The following SHOC1 variants were observed in gnomAD, a reference collection of about 807,000 sequenced individuals.
SHOC1 encodes the protein shortage in chiasmata 1.
SHOC1 carries 136 observed loss-of-function variants against 179.2 expected under a neutral mutation model. The ratio of observed to expected loss-of-function variants is 0.76; its 90% confidence interval spans 0.66 to 0.87. The LOEUF (loss-of-function observed/expected upper bound fraction) is 0.87. SHOC1 is among the 40% of genes least tolerant of loss of function. SHOC1 has a pLI of 0.00. For missense variants in SHOC1, 1,538 were observed against 1,700.8 expected (o/e 0.90, Z 1.68); for synonymous variants, 489 against 586.6 (o/e 0.83, Z 2.41).
chr9:111,769,986 G>GTTT (rs769266659), intron 5 of SHOC1, among the ~76,000 whole-genome samples: 65 of 77,544 alleles, frequency 8.4e-4, no homozygotes, highest in African/African-American at 9.9e-4. Flanking sequence ...TTTTTTTTTT[G>GTTT]TTTTTTTTTT....
intron 8 of SHOC1, among the ~76,000 whole-genome samples, chr9:111,755,730 T>A (rs958623994): frequency 6.6e-6 from 1 of 152,188 alleles, no homozygotes; most frequent in Non-Finnish European, 1.5e-5. Context: ...AGAAAACAAC[T>A]CTTCAAAAAT....
At chr9:111,698,514 A>G (rs1230106231) in intron 24 of SHOC1, among the ~76,000 whole-genome samples, 1 of 152,044 alleles carries the variant, frequency 6.6e-6, no homozygotes, top group African/African-American at 2.4e-5. Context: ...GATGTGTGGT[A>G]TTATTTCTGA....
chr9:111,776,600 T>A (rs1835843376), intron 4 of SHOC1, among the ~76,000 whole-genome samples: 1 of 152,212 alleles, frequency 6.6e-6, no homozygotes, highest in Non-Finnish European at 1.5e-5. Context: ...GTTCTCTGGC[T>A]TCTAGATGGG....
intron 5 of SHOC1, among the ~76,000 whole-genome samples, chr9:111,768,479 A>G (rs962403571): frequency 6.6e-6 from 1 of 152,178 alleles, no homozygotes; most frequent in African/African-American, 2.4e-5. Flanking sequence ...TTGGCCTCCC[A>G]TAGTGCTGGG....
At chr9:111,779,371 C>T (rs961860933) in intron 4 of SHOC1, among the ~76,000 whole-genome samples, 1 of 152,136 alleles carries the variant, frequency 6.6e-6, no homozygotes, top group African/African-American at 2.4e-5. Flanking sequence ...CAAAGGCCTA[C>T]TTTGAGTAAC....
At chr9:111,779,981 G>C (rs1441270993) in intron 4 of SHOC1, among the ~76,000 whole-genome samples, 2 of 152,162 alleles carry the variant, frequency 1.3e-5, no homozygotes, top group African/African-American at 2.4e-5. Context: ...ATGCCTTTCT[G>C]CTTCCTCGCT....
chr9:111,757,858 T>C (rs1341029596), intron 7 of SHOC1, among the ~76,000 whole-genome samples: 3 of 152,228 alleles, frequency 2.0e-5, no homozygotes, highest in Non-Finnish European at 4.4e-5. Flanking sequence ...TATCAGAATA[T>C]ATCTCAGGCT....
intron 5 of SHOC1, among the ~76,000 whole-genome samples, chr9:111,763,166 A>G (rs12340359): frequency 0.055 from 8,413 of 152,008 alleles, 563 homozygotes; most frequent in African/African-American, 0.16. Flanking sequence ...TAAAATCTTT[A>G]TGAAGAAAAA....
At position 111,769,975 on chromosome 9, in the gene SHOC1, G is replaced by GTTTGTTTTTTTTTTTTTTTT. The variant is rs1564161086; in HGVS notation, c.442+5815_442+5816insAAAAAAAAAAAAAAAACAAA. Among the ~76,000 whole-genome samples the GTTTGTTTTTTTTTTTTTTTT allele has an allele frequency of 4.1e-4, 36 of 87,788 alleles. 2 individuals are homozygous for GTTTGTTTTTTTTTTTTTTTT. Among genetic ancestry groups the GTTTGTTTTTTTTTTTTTTTT allele is most frequent in the East Asian group, 8.1e-4 (3 of 3,708 alleles). 57.6% of individuals were successfully genotyped at this position (87,788 alleles called of 152,430 possible). ...AATCTAGCGAAAGGTTTTATCTTCTGTTTTTTTTTTGTTTTTTTTTTTTTT... is the reference window on the plus strand; with the variant it reads ...AATCTAGCGAAAGGTTTTATCTTCTGTTTGTTTTTTTTTTTTTTTTTTTTTTTTTTGTTTTTTTTTTTTTT... On this transcript the variant is annotated intron_variant, in intron 5 of 27. Transcript: ENST00000682961.
At chr9:111,724,738 G>A (rs1192173029) in intron 13 of SHOC1, among the ~76,000 whole-genome samples, 1 of 152,072 alleles carries the variant, frequency 6.6e-6, no homozygotes, top group East Asian at 1.9e-4. Flanking sequence ...TTCCAGGCCA[G>A]CAAAGGGCTC....
At chr9:111,781,756 G>A (rs1429461117) in intron 3 of SHOC1, among the ~76,000 whole-genome samples, 1 of 46,104 alleles carries the variant, frequency 2.2e-5, no homozygotes, top group South Asian at 7.5e-4. Context: ...AAATAAATTT[G>A]TATGTGTACA....
In SHOC1 at chr9:111,706,683, G is replaced by A; in HGVS notation, c.2622C>T (p.Phe874=). 6.2e-7 allele frequency: 1 copy of A among 1,609,464 alleles called. No homozygotes were observed. Among genetic ancestry groups the A allele is most frequent in the Non-Finnish European group, 8.5e-7 (1 of 1,177,212 alleles). Residue 874 remains phenylalanine, a synonymous_variant, in exon 20 of 28, where the codon TTC becomes TTT. Transcript: ENST00000682961. ...YIGADFPWSN[F]SFVVEYNYVE... The stretch of plus-strand genomic sequence containing the variant: ...CATAATTGTATTCCACCACAAATGA[G>A]AAATTACTCCAGGGGAAATCTGCTC...
chr9:111,722,529 T>G lies in SHOC1; in HGVS notation c.2011A>C (p.Asn671His). Residue 671 changes from asparagine (N) to histidine (H), a missense_variant, in exon 15 of 28, where the codon AAC becomes CAC. By Grantham distance (68) the Asn-to-His change is moderately conservative. Coordinates refer to ENST00000682961, the MANE Select transcript of SHOC1 (RefSeq NM_001378211.1). ...GGGAGGGTACACAAGGATACAAGGT[T>G]TTTTAAGATAGGAGAAGCTGCTGCT... is the stretch of plus-strand genomic sequence containing the variant. Reference protein sequence around the residue: ...LEAAASPILKNLVSLCTLPTA... With the variant: ...LEAAASPILKHLVSLCTLPTA... 1 of 1,609,464 alleles carries G rather than the reference T, an allele frequency of 6.2e-7. No homozygotes were observed. Among genetic ancestry groups the G allele is most frequent in the East Asian group, 2.2e-5 (1 of 44,718 alleles).
At chr9:111,709,195 A>T (rs1832415690) in intron 18 of SHOC1, among the ~76,000 whole-genome samples, 1 of 152,228 alleles carries the variant, frequency 6.6e-6, no homozygotes, top group Admixed American at 6.5e-5. Context: ...ATACAAAATT[A>T]GCTGGGCATG....
At chr9:111,728,345 C>T (rs967404387) in intron 12 of SHOC1, among the ~76,000 whole-genome samples, 1 of 152,104 alleles carries the variant, frequency 6.6e-6, no homozygotes, top group Non-Finnish European at 1.5e-5. Context: ...GTAACAGTTA[C>T]TCCATGGGTC....
At chr9:111,788,455 T>C (rs1215864726) in intron 2 of SHOC1, among the ~76,000 whole-genome samples, 2 of 152,198 alleles carry the variant, frequency 1.3e-5, no homozygotes, top group Admixed American at 6.5e-5. Flanking sequence ...AAAATTCTCA[T>C]GACTGACTTT....
At chr9:111,757,393 C>T (rs1360760699) in intron 7 of SHOC1, among the ~76,000 whole-genome samples, 2 of 152,144 alleles carry the variant, frequency 1.3e-5, no homozygotes, top group African/African-American at 2.4e-5. Flanking sequence ...TGAGCCACCG[C>T]GCCCGGCCAA....
chr9:111,695,974 C>T (rs1831669092), intron 24 of SHOC1, among the ~76,000 whole-genome samples: 1 of 152,112 alleles, frequency 6.6e-6, no homozygotes, highest in African/African-American at 2.4e-5. Flanking sequence ...GGTGAGGATT[C>T]TCAGGGCAAA....
At chr9:111,705,465 A>C in intron 20 of SHOC1, 101 bp from the exon 21 acceptor site, 1 of 483,432 alleles carries the variant, frequency 2.1e-6, no homozygotes, top group Non-Finnish European at 3.7e-6. Flanking sequence ...GGAGTAGTAT[A>C]AAAATAATAT....
Sources: gnomAD v4.1 joint callset for allele counts (sites outside exome capture counted in the v4.1 genomes callset) on GRCh38, gnomAD v4.1.1 for gene constraint, MANE v1.5 for transcripts, NCBI Gene and HGNC (gene_info 2026-07-23, HGNC 2026-07-21) for gene names.